Variants in BBS9 observed in about 807,000 individuals in gnomAD.
The protein encoded by BBS9 is Bardet-Biedl syndrome 9, also known as protein PTHB1.
In BBS9, 89 loss-of-function variants were observed where a neutral mutation model predicts 117.7. The ratio of observed to expected loss-of-function variants is 0.76; its 90% CI spans 0.64 to 0.90. The LOEUF (loss-of-function observed/expected upper bound fraction) is 0.90. Among genes scored for constraint, BBS9 ranks in the 40% least tolerant of loss-of-function variants. The pLI is 0.00. For synonymous variants in BBS9, 379 were observed against 370.9 expected (o/e 1.02, Z -0.25); for missense variants, 982 against 1,042.2 (o/e 0.94, Z 0.80).
chr7:33,533,890 C>T (rs1325907483), intron 20 of BBS9, 64 bp from the exon 21 acceptor site: 2 of 1,528,576 alleles, frequency 1.3e-6, no homozygotes, highest in East Asian at 4.5e-5. Context: ...CTGTATAATA[C>T]ATCAAGTGCC....
intron 21 of BBS9, among the ~76,000 whole-genome samples, chr7:33,611,076 T>C (rs73690950): frequency 6.6e-6 from 1 of 152,038 alleles, no homozygotes; most frequent in Non-Finnish European, 1.5e-5. Flanking sequence ...AGCCGCTTCA[T>C]TGGCTCCAGG....
intron 19 of BBS9, among the ~76,000 whole-genome samples, chr7:33,456,093 T>A (rs756786078): frequency 1.3e-5 from 2 of 152,230 alleles, no homozygotes; most frequent in Non-Finnish European, 2.9e-5. Flanking sequence ...TATGTAATAT[T>A]TGTGTCCTTT....
At chr7:33,524,563 G>A (rs1849170239) in intron 20 of BBS9, among the ~76,000 whole-genome samples, 1 of 152,114 alleles carries the variant, frequency 6.6e-6, no homozygotes, top group Non-Finnish European at 1.5e-5. Context: ...TTCTCTGATG[G>A]TAGTTTGCAT....
chr7:33,327,488 C>T lies in BBS9; in HGVS notation c.1017-8953C>T, dbSNP rs374915895. ...GTTGAAGCAGGAGGATCACCTGAGG[C>T]CAGGAATTCATGACCAGACCTGCAA... On this transcript the variant is annotated intron_variant, in intron 9 of 22. Coordinates refer to ENST00000242067, the MANE Select transcript of BBS9 (RefSeq NM_198428.3). Among the ~76,000 whole-genome samples the T allele has an allele frequency of 2.7e-4, 41 of 152,158 alleles. No individual in the cohort carries two copies. The South Asian group carries it at 8.5e-3, about 32-fold the overall frequency.
Position 33,147,422 on chromosome 7 carries a change from TGTATTG to T in BBS9, c.112+1062_112+1067del, listed in dbSNP as rs1251359470. ...GCAGGAAAATGTGAAAGGAGAAAAT[TGTATTG>T]GTAAAGCAGAAGAGTGGGAGTACTA... On this transcript the variant is annotated intron_variant, in intron 2 of 22. Coordinates refer to ENST00000242067, the MANE Select transcript of BBS9 (RefSeq NM_198428.3). 5.3e-5 allele frequency among the ~76,000 whole-genome samples: 8 copies of T among 152,226 alleles called. No individual in the cohort carries two copies. In the Middle Eastern group the frequency reaches 0.01, roughly 194 times the overall value.
intron 9 of BBS9, among the ~76,000 whole-genome samples, chr7:33,332,248 A>G (rs557195355): frequency 5.8e-4 from 88 of 152,338 alleles, no homozygotes; most frequent in Non-Finnish European, 9.7e-4. Flanking sequence ...GGCAAGCCAC[A>G]TGTAGAAGAA....
intron 19 of BBS9, among the ~76,000 whole-genome samples, chr7:33,454,046 A>G (rs1339317248): frequency 6.6e-6 from 1 of 152,114 alleles, no homozygotes; most frequent in Non-Finnish European, 1.5e-5. Context: ...TCAACTATAC[A>G]TGTTACTCTG....
At chr7:33,530,245 T>C (rs997318085) in intron 20 of BBS9, among the ~76,000 whole-genome samples, 1 of 152,260 alleles carries the variant, frequency 6.6e-6, no homozygotes, top group African/African-American at 2.4e-5. Context: ...TCTAAAGTAC[T>C]GGCATCATGC....
intron 19 of BBS9, among the ~76,000 whole-genome samples, chr7:33,490,766 T>C (rs1267209343): frequency 6.6e-6 from 1 of 152,248 alleles, no homozygotes; most frequent in South Asian, 2.1e-4. Flanking sequence ...TAAACTTTAT[T>C]ACTTTCCCAG....
Position 33,156,843 on chromosome 7 carries a change from A to G in BBS9, c.328+1141A>G, listed in dbSNP as rs553884787. Among the ~76,000 whole-genome samples, 6 of 152,164 alleles carry G rather than the reference A, an allele frequency of 3.9e-5. No individual in the cohort carries two copies. In the South Asian group the frequency reaches 1.2e-3, roughly 32 times the overall value. On this transcript the variant is annotated intron_variant, in intron 4 of 22. Coordinates refer to ENST00000242067, the MANE Select transcript of BBS9 (RefSeq NM_198428.3). ...AGTGTGCTCTCATTGATTTTATGGTAAAGGACATGGTTTCATGTTGCTCCT... is the reference window on the plus strand; with the variant it reads ...AGTGTGCTCTCATTGATTTTATGGTGAAGGACATGGTTTCATGTTGCTCCT...
chr7:33,184,099 G>C (rs1200571356), intron 5 of BBS9, among the ~76,000 whole-genome samples: 40 of 112,878 alleles, frequency 3.5e-4, no homozygotes, highest in Non-Finnish European at 6.4e-4. Flanking sequence ...TTTGCACACA[G>C]AGAGAGAGAG....
At chr7:33,618,514 ATAAC>A (rs1363842486) in intron 21 of BBS9, among the ~76,000 whole-genome samples, 2 of 152,136 alleles carry the variant, frequency 1.3e-5, no homozygotes, top group Non-Finnish European at 2.9e-5. Flanking sequence ...AGTAATAAAA[ATAAC>A]TATACTTATG....
chr7:33,181,254 T>C (rs4723272), intron 5 of BBS9, among the ~76,000 whole-genome samples: 84,714 of 151,898 alleles, frequency 0.56, 24,197 homozygotes, highest in African/African-American at 0.69. Flanking sequence ...AAAGGATAGG[T>C]GGGACACTTC....
chr7:33,581,380 C>T (rs188520424), intron 21 of BBS9, among the ~76,000 whole-genome samples: 32 of 152,226 alleles, frequency 2.1e-4, no homozygotes, highest in Non-Finnish European at 3.4e-4. Flanking sequence ...TATTCTTGTA[C>T]ATAAAAAGCC....
chr7:33,517,774 A>G (rs1848015692), intron 20 of BBS9, among the ~76,000 whole-genome samples: 1 of 152,228 alleles, frequency 6.6e-6, no homozygotes, highest in African/African-American at 2.4e-5. Flanking sequence ...GGGCCTAACA[A>G]AAATGAACAG....
At chr7:33,219,601 C>T (rs1789811569) in intron 5 of BBS9, among the ~76,000 whole-genome samples, 1 of 152,164 alleles carries the variant, frequency 6.6e-6, no homozygotes, top group Non-Finnish European at 1.5e-5. Context: ...TGTCTAGCTA[C>T]TCTGGTGGGG....
intron 19 of BBS9, among the ~76,000 whole-genome samples, chr7:33,491,864 T>A (rs1242747860): frequency 6.6e-6 from 1 of 152,148 alleles, no homozygotes; most frequent in Non-Finnish European, 1.5e-5. Context: ...TATTATTGTC[T>A]TCAGGTATAT....
chr7:33,598,715 C>G (rs541218455), intron 21 of BBS9, among the ~76,000 whole-genome samples: 5 of 152,280 alleles, frequency 3.3e-5, no homozygotes, highest in African/African-American at 9.6e-5. Context: ...GAACATTTGT[C>G]ACAGTTGGGC....
chr7:33,299,467 T>C (rs901474209), intron 9 of BBS9, among the ~76,000 whole-genome samples: 3 of 151,472 alleles, frequency 2.0e-5, no homozygotes, highest in Non-Finnish European at 4.4e-5. Flanking sequence ...TATGCCACTG[T>C]TTTTCCAGTA....
Sources: allele counts gnomAD v4.1 joint callset (sites outside exome capture counted in the v4.1 genomes callset), GRCh38; gene constraint gnomAD v4.1.1; transcripts MANE v1.5; gene names NCBI Gene and HGNC (gene_info 2026-07-23, HGNC 2026-07-21).